The following NEMF variants were observed in gnomAD, a reference collection of about 807,000 sequenced individuals.
NEMF encodes the protein ribosome quality control complex subunit NEMF.
NEMF carries 89 observed loss-of-function variants against 162.2 expected under a neutral mutation model. The ratio of observed to expected loss-of-function variants is 0.55; its 90% CI spans 0.46 to 0.65. The LOEUF (loss-of-function observed/expected upper bound fraction) is 0.65. Ranked by LOEUF, NEMF falls within the 30% of genes least tolerant of loss-of-function variation. NEMF has a pLI of 0.00. For synonymous variants in NEMF, 421 were observed against 404.5 expected, an observed-to-expected ratio of 1.04 and a Z score of -0.49; for missense variants, 1,133 against 1,261.9, an observed-to-expected ratio of 0.90 and a Z score of 1.55.
rs764154282 is a variant in NEMF at position 49,852,771 on chromosome 14, A to G, written c.-18T>C. 17 of 1,614,006 alleles carry G rather than the reference A, an allele frequency of 1.1e-5. No homozygotes were observed. Among genetic ancestry groups the G allele is most frequent in the Non-Finnish European group, 1.4e-5 (17 of 1,179,988 alleles). On this transcript the variant is annotated 5_prime_UTR_variant, in exon 1 of 33. Coordinates refer to ENST00000298310, the MANE Select transcript of NEMF (RefSeq NM_004713.6). ...CTCTTCATGGCGAGGCCCGAGGGTC[A>G]CTACCGCAAGTTCCTCTACTGCCCG...
intron 15 of NEMF, 101 bp downstream of exon 15, chr14:49,828,190 C>T (rs1566689495): frequency 1.1e-6 from 1 of 873,746 alleles, no homozygotes; most frequent in East Asian, 2.5e-5. Context: ...TTGAAAGATA[C>T]TTCTGAATTA....
At chr14:49,792,410 C>T (rs1011292533) in intron 26 of NEMF, among the ~76,000 whole-genome samples, 1 of 152,096 alleles carries the variant, frequency 6.6e-6, no homozygotes, top group Non-Finnish European at 1.5e-5. Context: ...TGGGGTTTCA[C>T]CATGTTAGCC....
At chr14:49,838,377 C>T (rs1566702671) in intron 5 of NEMF, among the ~76,000 whole-genome samples, 171 bp from the exon 6 acceptor site, 1 of 151,950 alleles carries the variant, frequency 6.6e-6, no homozygotes, top group South Asian at 2.1e-4. Flanking sequence ...AGATATTTAC[C>T]CAAGATTAAC....
At chr14:49,817,286 T>C (rs1056784787) in intron 16 of NEMF, among the ~76,000 whole-genome samples, 2 of 151,646 alleles carry the variant, frequency 1.3e-5, no homozygotes, top group African/African-American at 2.4e-5. Flanking sequence ...CTAATAAAAA[T>C]AGAAAAATTA....
intron 4 of NEMF, among the ~76,000 whole-genome samples, chr14:49,844,291 T>C (rs1349374755): frequency 1.3e-5 from 2 of 152,122 alleles, no homozygotes; most frequent in Non-Finnish European, 1.5e-5. Flanking sequence ...ATCCCTTGCA[T>C]GCACAGTTCA....
chr14:49,842,099 C>A (rs1219998480), intron 4 of NEMF, among the ~76,000 whole-genome samples: 1 of 150,566 alleles, frequency 6.6e-6, no homozygotes, highest in Non-Finnish European at 1.5e-5. Context: ...GAGCGAAACT[C>A]CGTCTCAAAA....
Position 49,782,670 on chromosome 14 carries a change from G to A in NEMF, c.*1966C>T. 2.9e-6 allele frequency: 4 copies of A among 1,381,678 alleles called. 1 individual carries two copies. In the South Asian group the frequency reaches 5.3e-5, roughly 18 times the overall value. 85.6% of individuals were successfully genotyped at this position (1,381,678 alleles called of 1,614,324 possible). ...AGACTTAGCACTCTCGAAAAACTAG[G>A]TTTATGGATTATTTAAGGGCAATAA... On this transcript the variant is annotated 3_prime_UTR_variant, in exon 33 of 33. Transcript: ENST00000298310.
intron 15 of NEMF, among the ~76,000 whole-genome samples, chr14:49,827,093 C>A (rs1030932987): frequency 9.9e-5 from 15 of 152,186 alleles, no homozygotes; most frequent in Admixed American, 2.6e-4. Context: ...GGGAGGAGAT[C>A]TCCCGTCCTT....
chr14:49,815,751 T>C (rs969547012), intron 16 of NEMF, among the ~76,000 whole-genome samples: 22 of 152,076 alleles, frequency 1.4e-4, no homozygotes, highest in Non-Finnish European at 3.1e-4. Context: ...GATCACGAGC[T>C]CAGGAGATCG....
intron 1 of NEMF, among the ~76,000 whole-genome samples, chr14:49,852,334 G>A (rs887075837): frequency 6.6e-6 from 1 of 152,194 alleles, no homozygotes; most frequent in African/African-American, 2.4e-5. Context: ...AGGTGTTCAA[G>A]AAACCAAGCC....
Position 49,784,554 on chromosome 14 carries a change from C to A in NEMF, c.*82G>T. The A allele has an allele frequency of 1.1e-6, 1 of 918,888 alleles. No individual in the cohort carries two copies. Among genetic ancestry groups the A allele is most frequent in the Non-Finnish European group, 1.7e-6 (1 of 580,750 alleles). The allele number at this position is 918,888 out of a possible 1,614,324, so 56.9% of individuals were successfully genotyped here. A position where few individuals can be genotyped will look rare whatever the true frequency, so the allele number is the denominator to read the frequency against. ...AGTTCATTTTTATAATGCGGAAATCCTGATACATGGTGCTTTCATCTTTGA... is the reference window on the plus strand; with the variant it reads ...AGTTCATTTTTATAATGCGGAAATCATGATACATGGTGCTTTCATCTTTGA... On this transcript the variant is annotated 3_prime_UTR_variant, in exon 33 of 33. Coordinates refer to ENST00000298310, the MANE Select transcript of NEMF (RefSeq NM_004713.6).
At chr14:49,851,060 C>T (rs1410032933) in intron 3 of NEMF, among the ~76,000 whole-genome samples, 1 of 152,016 alleles carries the variant, frequency 6.6e-6, no homozygotes, top group Non-Finnish European at 1.5e-5. Flanking sequence ...AGAAATTAGC[C>T]GGGTCTGGTG....
At position 49,793,453 on chromosome 14, in the gene NEMF, C is replaced by T. The variant is rs114438318; in HGVS notation, c.2619+2338G>A. Among the ~76,000 whole-genome samples, 409 of 152,258 alleles carry T rather than the reference C, an allele frequency of 2.7e-3. 3 individuals are homozygous for T. The highest frequency in any genetic ancestry group is 0.01 in the Middle Eastern group (3 of 292). ...CAACACTTTGGGAGGCTGAGGCGGG[C>T]AGATTGCTCAGTTATAGTTTTATAA... On this transcript the variant is annotated intron_variant, in intron 26 of 32. Transcript: ENST00000298310.
chr14:49,829,485 T>C, intron 11 of NEMF, 59 bp from the exon 12 acceptor site: 1 of 1,347,266 alleles, frequency 7.4e-7, no homozygotes, highest in South Asian at 1.2e-5. Flanking sequence ...ATGACATCCC[T>C]CTCTTACTTC....
intron 21 of NEMF, 23 bp downstream of exon 21, chr14:49,802,646 A>T: frequency 6.2e-7 from 1 of 1,611,250 alleles, no homozygotes; most frequent in East Asian, 2.2e-5. Context: ...AAACAAATAA[A>T]TAACCAAGAA....
In NEMF at chr14:49,782,468, T is replaced by C; in HGVS notation, c.*2168A>G. The C allele has an allele frequency of 2.5e-6, 4 of 1,603,094 alleles. No individual in the cohort carries two copies. Among genetic ancestry groups the C allele is most frequent in the Non-Finnish European group, 2.6e-6 (3 of 1,171,886 alleles). On this transcript the variant is annotated 3_prime_UTR_variant, in exon 33 of 33. Transcript: ENST00000298310. Reference sequence around the variant, plus strand: ...GTCCATCACAGAGCTGTAAGTATACTACCTTCACATTATTACTGAAACTTA... The same window carrying C: ...GTCCATCACAGAGCTGTAAGTATACCACCTTCACATTATTACTGAAACTTA...
intron 4 of NEMF, among the ~76,000 whole-genome samples, chr14:49,842,466 A>C (rs895824457): frequency 2.0e-5 from 3 of 152,210 alleles, no homozygotes; most frequent in African/African-American, 7.2e-5. Flanking sequence ...AAAGAATACC[A>C]CCTTCCAAAT....
At chr14:49,827,539 C>T (rs1201731995) in intron 15 of NEMF, among the ~76,000 whole-genome samples, 1 of 152,168 alleles carries the variant, frequency 6.6e-6, no homozygotes, top group Non-Finnish European at 1.5e-5. Context: ...TGGCTCACAC[C>T]TGTAATCCCA....
intron 28 of NEMF, among the ~76,000 whole-genome samples, chr14:49,788,280 A>AAAAG (rs1456524601): frequency 1.1e-4 from 16 of 151,060 alleles, no homozygotes; most frequent in African/African-American, 3.9e-4. Flanking sequence ...CTGCCTCAAA[A>AAAAG]AAAAAAAAAA....
Sources: gnomAD v4.1 joint callset for allele counts (sites outside exome capture counted in the v4.1 genomes callset) on GRCh38, gnomAD v4.1.1 for gene constraint, MANE v1.5 for transcripts, NCBI Gene and HGNC (gene_info 2026-07-23, HGNC 2026-07-21) for gene names.